LRRTM3: variants seen among roughly 807,000 people sequenced by gnomAD.
LRRTM3 encodes the protein leucine-rich repeat transmembrane neuronal protein 3.
In LRRTM3, 24 loss-of-function variants were observed where a neutral mutation model predicts 44.7. The ratio of observed to expected loss-of-function variants is 0.54; its 90% CI spans 0.39 to 0.76. The LOEUF is 0.76. LRRTM3 is among the 30% of genes least tolerant of loss of function. LRRTM3 has a pLI of 0.00. For missense variants in LRRTM3, 587 were observed against 702.2 expected (o/e 0.84, Z 1.85); for synonymous variants, 277 against 278.7 (o/e 0.99, Z 0.06).
At chr10:66,953,574 G>C (rs748393382) in intron 2 of LRRTM3, among the ~76,000 whole-genome samples, 1 of 151,980 alleles carries the variant, frequency 6.6e-6, no homozygotes, top group Non-Finnish European at 1.5e-5. Context: ...TATGACTCAT[G>C]GGTTTTGTTT....
intron 2 of LRRTM3, among the ~76,000 whole-genome samples, chr10:66,949,362 G>A (rs1848423387): frequency 6.6e-6 from 1 of 152,052 alleles, no homozygotes; most frequent in Non-Finnish European, 1.5e-5. Context: ...TTGGAGACCA[G>A]CCTGACCAAC....
intron 2 of LRRTM3, among the ~76,000 whole-genome samples, chr10:66,934,829 C>T (rs1847601451): frequency 6.6e-6 from 1 of 152,156 alleles, no homozygotes; most frequent in African/African-American, 2.4e-5. Context: ...GTTGACATTT[C>T]ATCACATCAA....
At chr10:66,960,575 A>G (rs906270141) in intron 2 of LRRTM3, among the ~76,000 whole-genome samples, 6 of 152,216 alleles carry the variant, frequency 3.9e-5, no homozygotes, top group African/African-American at 1.4e-4. Flanking sequence ...TGACTACAAG[A>G]GAAAAGAGAG....
intron 2 of LRRTM3, among the ~76,000 whole-genome samples, chr10:66,942,974 T>G (rs1424512009): frequency 2.0e-5 from 3 of 152,156 alleles, no homozygotes; most frequent in African/African-American, 7.2e-5. Context: ...GGCACATAGG[T>G]TGACTTTTCT....
chr10:67,056,502 C>A lies in LRRTM3; in HGVS notation c.1537-41085C>A, dbSNP rs143444343. 1.9e-3 allele frequency among the ~76,000 whole-genome samples: 295 copies of A among 152,258 alleles called. 3 individuals carry two copies. Among genetic ancestry groups the A allele is most frequent in the African/African-American group, 6.8e-3 (284 of 41,566 alleles). On this transcript the variant is annotated intron_variant, in intron 2 of 2. Coordinates refer to ENST00000361320, the MANE Select transcript of LRRTM3 (RefSeq NM_178011.5). ...AGCTTCAGGCTTGTGAAACCAAGAT[C>A]CACTCCTGATCTGTATCTGTAAACA...
chr10:67,050,254 C>A (rs572924333), intron 2 of LRRTM3, among the ~76,000 whole-genome samples: 2 of 152,214 alleles, frequency 1.3e-5, no homozygotes, highest in Non-Finnish European at 2.9e-5. Context: ...ACACCACACA[C>A]AGTAACTGAT....
chr10:66,943,894 C>T (rs1212413360), intron 2 of LRRTM3, among the ~76,000 whole-genome samples: 1 of 152,156 alleles, frequency 6.6e-6, no homozygotes, highest in African/African-American at 2.4e-5. Context: ...TTTAAAAATA[C>T]TTTATTGCTA....
chr10:67,008,849 T>G (rs1852161323), intron 2 of LRRTM3, among the ~76,000 whole-genome samples: 1 of 152,184 alleles, frequency 6.6e-6, no homozygotes, highest in African/African-American at 2.4e-5. Context: ...TGTTTTTCAG[T>G]GTTTTCTTGT....
At chr10:66,947,695 AT>A (rs958949736) in intron 2 of LRRTM3, among the ~76,000 whole-genome samples, 90 of 152,136 alleles carry the variant, frequency 5.9e-4, no homozygotes, top group African/African-American at 2.0e-3. Context: ...GTTTTCAAAT[AT>A]TTTTTTCTTT....
chr10:66,978,552 A>AATATATATATATATATATATATATAT (rs1554890349), intron 2 of LRRTM3, among the ~76,000 whole-genome samples: 4 of 37,876 alleles, frequency 1.1e-4, no homozygotes, highest in East Asian at 1.8e-3. Context: ...AAAAAAAAAA[A>AATATATATATATATATATATATATAT]ATATATATAT....
At chr10:66,966,527 T>G (rs548691084) in intron 2 of LRRTM3, among the ~76,000 whole-genome samples, 3 of 151,288 alleles carry the variant, frequency 2.0e-5, no homozygotes, top group Admixed American at 6.6e-5. Flanking sequence ...TTCAAAGAAA[T>G]AGCTAAAAAT....
intron 2 of LRRTM3, among the ~76,000 whole-genome samples, chr10:67,064,578 C>T (rs1210311381): frequency 6.6e-6 from 1 of 152,060 alleles, no homozygotes; most frequent in Non-Finnish European, 1.5e-5. Context: ...TGACTCTTCC[C>T]CTTAGTCATC....
At chr10:66,965,685 C>T (rs977586134) in intron 2 of LRRTM3, among the ~76,000 whole-genome samples, 49 of 151,112 alleles carry the variant, frequency 3.2e-4, no homozygotes, top group African/African-American at 1.1e-3. Flanking sequence ...CAAAGCAAAA[C>T]TGTAGCAAAG....
At chr10:66,958,041 G>T (rs559669028) in intron 2 of LRRTM3, among the ~76,000 whole-genome samples, 1 of 152,016 alleles carries the variant, frequency 6.6e-6, no homozygotes, top group Non-Finnish European at 1.5e-5. Flanking sequence ...GCCAAAAGCA[G>T]TTATTGAACA....
intron 2 of LRRTM3, among the ~76,000 whole-genome samples, chr10:66,969,370 C>T (rs529453906): frequency 2.0e-5 from 3 of 152,098 alleles, no homozygotes; most frequent in Non-Finnish European, 2.9e-5. Context: ...GGCCTCATAT[C>T]GTTCCATAAA....
intron 2 of LRRTM3, among the ~76,000 whole-genome samples, chr10:67,040,763 C>T (rs966206685): frequency 4.6e-5 from 7 of 151,812 alleles, no homozygotes; most frequent in Non-Finnish European, 8.8e-5. Context: ...GAAATATCAG[C>T]GTAAAAGCAG....
At chr10:66,947,833 C>A (rs993974295) in intron 2 of LRRTM3, among the ~76,000 whole-genome samples, 2 of 152,134 alleles carry the variant, frequency 1.3e-5, no homozygotes, top group South Asian at 4.1e-4. Flanking sequence ...AGTCATGTGG[C>A]GCTTAGCGAC....
rs571737412 is a variant in LRRTM3, at chr10:66,926,844, T to C, written c.5-77T>C. 6 of 1,273,480 alleles carry C rather than the reference T, an allele frequency of 4.7e-6. No homozygotes were observed. In the East Asian group the frequency reaches 7.5e-5, roughly 16 times the overall value. The allele number at this position is 1,273,480 out of a possible 1,614,324, so 78.9% of individuals were successfully genotyped here. A position where few individuals can be genotyped will look rare whatever the true frequency, so the allele number is the denominator to read the frequency against. On this transcript the variant is annotated intron_variant, in intron 1 of 2. Transcript: ENST00000361320. ...GATTTAAATTTTTAAAAATGAAAAA[T>C]ATATGCCTATTTTTGCTTGATTAAG...
chr10:67,017,848 C>T (rs1564834655), intron 2 of LRRTM3, among the ~76,000 whole-genome samples: 1 of 152,070 alleles, frequency 6.6e-6, no homozygotes, highest in Non-Finnish European at 1.5e-5. Flanking sequence ...CGGCTCACTG[C>T]AACCTCCGCC....
Sources: gnomAD v4.1 joint callset for allele counts (sites outside exome capture counted in the v4.1 genomes callset) on GRCh38, gnomAD v4.1.1 for gene constraint, MANE v1.5 for transcripts, NCBI Gene and HGNC (gene_info 2026-07-23, HGNC 2026-07-21) for gene names.